AFF3: variants seen among roughly 807,000 people sequenced by gnomAD.
AFF3 encodes AF4/FMR2 family member 3.
In AFF3, 32 loss-of-function variants were observed where a neutral mutation model predicts 129.7. That is an observed-to-expected ratio of 0.25 (90% CI 0.19 to 0.33). The LOEUF (loss-of-function observed/expected upper bound fraction) is 0.33. Among genes scored for constraint, AFF3 ranks in the 10% least tolerant of loss-of-function variants. The pLI, the probability that AFF3 is intolerant of heterozygous loss-of-function variation, is 1.00. For missense variants in AFF3, 1,373 were observed against 1,592.0 expected, an observed-to-expected ratio of 0.86 and a Z score of 2.34; for synonymous variants, 644 against 635.4, an observed-to-expected ratio of 1.01 and a Z score of -0.20.
rs746372293 is a variant in AFF3, at chr2:99,594,055, C to G, written c.1606G>C (p.Ala536Pro). ...CCTTTACTCCCAGGGGCCTTGTTGG[C>G]TGTCCTTGGCCTTTGCTCCTCCTTG... is the stretch of plus-strand genomic sequence containing the variant. ...TCKEEQRPRT[A>P]NKAPGSKGVK... Residue 536 changes from alanine (A) to proline (P), a missense_variant, in exon 15 of 25, where the codon GCC becomes CCC. Ala to Pro is a conservative substitution (Grantham distance 27, BLOSUM62 -1). Around this residue, in one of 9 missense-constraint regions of AFF3, gnomAD observed 413 missense variants for 424.4 expected, o/e 0.97. Transcript: ENST00000672756. The G allele has an allele frequency of 1.4e-5, 23 of 1,611,518 alleles. No homozygotes were observed. The highest frequency in any genetic ancestry group is 4.5e-5 in the East Asian group (2 of 44,800).
chr2:99,758,907 C>T (rs1231767432), intron 8 of AFF3, among the ~76,000 whole-genome samples: 3 of 152,178 alleles, frequency 2.0e-5, no homozygotes, highest in Non-Finnish European at 4.4e-5. Context: ...CACCCTAGTA[C>T]TCAAGACCTT....
At chr2:99,584,060 A>G (rs1677847803) in intron 16 of AFF3, among the ~76,000 whole-genome samples, 1 of 152,216 alleles carries the variant, frequency 6.6e-6, no homozygotes, top group African/African-American at 2.4e-5. Flanking sequence ...TACTAAATAT[A>G]ATATAGAAAA....
At chr2:100,132,647 A>G (rs1692469566) in intron 1 of AFF3, among the ~76,000 whole-genome samples, 1 of 152,236 alleles carries the variant, frequency 6.6e-6, no homozygotes. Flanking sequence ...ATGCCAAGTG[A>G]ATAACCAGAC....
At position 99,593,975 on chromosome 2, in the gene AFF3, G is replaced by A; in HGVS notation, c.1686C>T (p.Ala562=). Residue 562 remains alanine (A), a synonymous_variant, in exon 15 of 25, where the codon GCC becomes GCT. Transcript: ENST00000672756. ...AAVAVAVSAA[A]PPPAVPCAPA... is the part of the protein sequence containing the mutation. ...GCGCACAGGGCACTGCGGGTGGCGG[G>A]GCGGCTGCGCTCACCGCCACGGCCA... The A allele has an allele frequency of 1.3e-6, 2 of 1,494,998 alleles. No homozygotes were observed. Among genetic ancestry groups the A allele is most frequent in the Non-Finnish European group, 1.8e-6 (2 of 1,123,406 alleles). 92.6% of individuals were successfully genotyped at this position (1,494,998 alleles called of 1,614,324 possible).
At chr2:99,990,621 T>C (rs561795452) in intron 7 of AFF3, among the ~76,000 whole-genome samples, 62 of 152,238 alleles carry the variant, frequency 4.1e-4, no homozygotes, top group African/African-American at 1.4e-3. Context: ...ACTGGATCTT[T>C]AGGAGGATTC....
intron 7 of AFF3, among the ~76,000 whole-genome samples, chr2:99,898,970 T>G (rs1259178298): frequency 6.6e-6 from 1 of 152,134 alleles, no homozygotes; most frequent in African/African-American, 2.4e-5. Flanking sequence ...GCTCCCACTC[T>G]TCCCTCAAAC....
intron 8 of AFF3, among the ~76,000 whole-genome samples, chr2:99,776,792 A>G (rs571985482): frequency 6.6e-6 from 1 of 152,342 alleles, no homozygotes; most frequent in East Asian, 1.9e-4. Context: ...CTGGGGCTCA[A>G]TGGTAGACTC....
intron 4 of AFF3, among the ~76,000 whole-genome samples, chr2:100,054,930 A>G (rs778194349): frequency 6.6e-6 from 1 of 152,182 alleles, no homozygotes; most frequent in Admixed American, 6.5e-5. Context: ...TCCCACCCAC[A>G]AAGAGTGTTT....
intron 8 of AFF3, among the ~76,000 whole-genome samples, chr2:99,791,827 CTT>C (rs112734176): frequency 1.1e-4 from 16 of 141,310 alleles, no homozygotes; most frequent in Admixed American, 1.4e-4. Context: ...TTGTGTTTTT[CTT>C]TTTTTTTTTT....
At chr2:100,091,106 T>C (rs1277225791) in intron 4 of AFF3, among the ~76,000 whole-genome samples, 1 of 152,046 alleles carries the variant, frequency 6.6e-6, no homozygotes, top group East Asian at 1.9e-4. Context: ...GGAGCCAGGC[T>C]ACCTGCATTA....
At chr2:99,988,830 ATC>A (rs1680097795) in intron 7 of AFF3, among the ~76,000 whole-genome samples, 1 of 152,134 alleles carries the variant, frequency 6.6e-6, no homozygotes, top group Non-Finnish European at 1.5e-5. Flanking sequence ...ATGTAACATG[ATC>A]TGATTTATTT....
At chr2:99,912,623 G>C (rs892199777) in intron 7 of AFF3, among the ~76,000 whole-genome samples, 1 of 152,014 alleles carries the variant, frequency 6.6e-6, no homozygotes, top group African/African-American at 2.4e-5. Flanking sequence ...AAATCACTAG[G>C]ATATGAAAGA....
At chr2:99,971,212 C>A (rs889581863) in intron 7 of AFF3, among the ~76,000 whole-genome samples, 20 of 152,150 alleles carry the variant, frequency 1.3e-4, no homozygotes, top group African/African-American at 4.3e-4. Flanking sequence ...CATTCTTGCC[C>A]GTCCAGTTCC....
At chr2:100,051,086 T>C (rs1686290520) in intron 4 of AFF3, among the ~76,000 whole-genome samples, 2 of 152,078 alleles carry the variant, frequency 1.3e-5, no homozygotes. Context: ...TTTACAAGAG[T>C]CCTGATTTCT....
At chr2:99,885,193 A>G (rs1693016474) in intron 7 of AFF3, among the ~76,000 whole-genome samples, 1 of 152,124 alleles carries the variant, frequency 6.6e-6, no homozygotes, top group Non-Finnish European at 1.5e-5. Flanking sequence ...AGGCGTTCCT[A>G]TTGGGAACAT....
intron 7 of AFF3, among the ~76,000 whole-genome samples, chr2:99,886,605 C>T (rs1693130930): frequency 2.0e-5 from 3 of 152,150 alleles, no homozygotes; most frequent in African/African-American, 7.2e-5. Context: ...GAAAACTCCT[C>T]ATTGCATTTT....
At chr2:99,632,585 G>T (rs914378217) in intron 13 of AFF3, among the ~76,000 whole-genome samples, 1 of 152,108 alleles carries the variant, frequency 6.6e-6, no homozygotes, top group African/African-American at 2.4e-5. Context: ...AGAGCGCCAG[G>T]CTTCGTTGGA....
intron 7 of AFF3, among the ~76,000 whole-genome samples, chr2:99,959,287 C>G (rs1676977006): frequency 7.0e-6 from 1 of 143,552 alleles, no homozygotes; most frequent in Admixed American, 7.3e-5. Flanking sequence ...GGGTGTTGAG[C>G]ACCACCATCC....
chr2:99,762,035 A>G lies in AFF3; in HGVS notation c.922-9734T>C, dbSNP rs114570207. On this transcript the variant is annotated intron_variant, in intron 8 of 24. Transcript: ENST00000672756. ...GTTATTCCATCTCACTTACCTCTGCATTCTTTCTCATCCTGGCCTGTCTGT... is the reference window on the plus strand; with the variant it reads ...GTTATTCCATCTCACTTACCTCTGCGTTCTTTCTCATCCTGGCCTGTCTGT... 1.0e-2 allele frequency among the ~76,000 whole-genome samples: 1,507 copies of G among 150,802 alleles called. 27 individuals carry two copies. Among genetic ancestry groups the G allele is most frequent in the African/African-American group, 0.035 (1,429 of 40,988 alleles).
Sources: gnomAD v4.1 joint callset for allele counts (sites outside exome capture counted in the v4.1 genomes callset) on GRCh38, gnomAD v4.1.1 for gene constraint, gnomAD v4.1.1 regional missense constraint, MANE v1.5 for transcripts, NCBI Gene and HGNC (gene_info 2026-07-23, HGNC 2026-07-21) for gene names.